The following TKTL1 variants were observed in gnomAD, a reference collection of about 807,000 sequenced individuals.
The protein encoded by TKTL1 is transketolase-like protein 1.
Under a neutral mutation model 39.3 loss-of-function variants are expected in TKTL1, and 1 was observed. The observed-to-expected ratio is 0.03, with a 90% CI of 0.01 to 0.12. The LOEUF (loss-of-function observed/expected upper bound fraction) is 0.12. TKTL1 is among the 10% of genes least tolerant of loss of function. TKTL1 has a pLI of 1.00. For missense variants in TKTL1, 575 were observed against 509.6 expected (o/e 1.13, Z -1.24); for synonymous variants, 262 against 193.8 (o/e 1.35, Z -2.92).
chrX:154,326,555 G>A (rs1557172024), intron 10 of TKTL1, among the ~76,000 whole-genome samples: 1 of 112,465 alleles, frequency 8.9e-6, no homozygotes, highest in Admixed American at 9.4e-5. Flanking sequence ...TGGCCAGAGT[G>A]CTGCCATAAA....
intron 1 of TKTL1, among the ~76,000 whole-genome samples, chrX:154,296,231 G>A (rs1436312120): frequency 9.0e-6 from 1 of 111,288 alleles, no homozygotes; most frequent in African/African-American, 3.3e-5. Flanking sequence ...TCTGGAGCCC[G>A]CCCCTCAATT....
At chrX:154,306,117 G>A (rs1173371356) in intron 2 of TKTL1, among the ~76,000 whole-genome samples, 1 of 107,693 alleles carries the variant, frequency 9.3e-6, no homozygotes, top group African/African-American at 3.5e-5. Context: ...GACCAGCCTG[G>A]TCAACATAGC....
At chrX:154,303,777 A>G (rs1255843344) in intron 1 of TKTL1, among the ~76,000 whole-genome samples, 1 of 109,055 alleles carries the variant, frequency 9.2e-6, no homozygotes, top group East Asian at 2.9e-4. Flanking sequence ...GGCACTGAAA[A>G]TAAGCAAATA....
At chrX:154,310,583 A>G (rs1239418359) in intron 3 of TKTL1, among the ~76,000 whole-genome samples, 2 of 112,625 alleles carry the variant, frequency 1.8e-5, no homozygotes, top group African/African-American at 6.5e-5. Context: ...AATGTGGCAG[A>G]AGAACCTAAA....
chrX:154,298,735 T>G (rs2067249975), intron 1 of TKTL1, among the ~76,000 whole-genome samples: 1 of 112,547 alleles, frequency 8.9e-6, no homozygotes, highest in Non-Finnish European at 1.9e-5. Context: ...TTTTCTATTT[T>G]CTTAGTCTCT....
In TKTL1 at chrX:154,309,335, T is replaced by C; in HGVS notation, c.253-10T>C. The stretch of plus-strand genomic sequence containing the variant: ...CTGCGTCTGGGCTCACTGGGTCCCT[T>C]CTCTTACAGAGACTGTCGTTTGTGG... On this transcript the variant is annotated splice_polypyrimidine_tract_variant and intron_variant, in intron 2 of 12. Coordinates refer to ENST00000369915, the MANE Select transcript of TKTL1 (RefSeq NM_012253.4). 4.1e-6 allele frequency: 5 copies of C among 1,207,210 alleles called. No individual in the cohort carries two copies. The highest frequency in any genetic ancestry group is 5.6e-6 in the Non-Finnish European group (5 of 891,230).
intron 10 of TKTL1, chrX:154,327,093 G>A (rs1377496089): frequency 2.8e-5 from 6 of 215,399 alleles, no homozygotes; most frequent in African/African-American, 1.2e-4. Flanking sequence ...GTACGTTGTC[G>A]AGAGCGAGGG....
intron 9 of TKTL1, 78 bp downstream of exon 9, chrX:154,323,415 T>TC (rs2067467974): frequency 9.3e-7 from 1 of 1,069,524 alleles, no homozygotes; most frequent in African/African-American, 1.9e-5. Context: ...ATTGGACTTT[T>TC]TTTTCTCAAC....
At chrX:154,307,164 G>A (rs1029800453) in intron 2 of TKTL1, among the ~76,000 whole-genome samples, 2 of 109,633 alleles carry the variant, frequency 1.8e-5, no homozygotes, top group African/African-American at 6.7e-5. Flanking sequence ...CTACTCAGGA[G>A]GCTAAGGTGG....
intron 10 of TKTL1, 62 bp downstream of exon 10, chrX:154,325,484 A>T (rs1557171755): frequency 1.0e-6 from 1 of 972,808 alleles, no homozygotes; most frequent in African/African-American, 1.9e-5. Context: ...ACACTTCTGA[A>T]TCTATCACCA....
At chrX:154,311,329 G>A (rs1488174453) in intron 5 of TKTL1, 91 bp downstream of exon 5, 1 of 1,125,550 alleles carries the variant, frequency 8.9e-7, no homozygotes, top group Non-Finnish European at 1.2e-6. Flanking sequence ...GGCCTAGGCA[G>A]ATGACTCATT....
chrX:154,327,850 C>T lies in TKTL1; in HGVS notation c.1510C>T (p.Arg504Cys), dbSNP rs782491397. The T allele has an allele frequency of 1.2e-5, 15 of 1,211,394 alleles. No homozygotes were observed. Among genetic ancestry groups the T allele is most frequent in the Non-Finnish European group, 1.7e-5 (15 of 895,334 alleles). Reference sequence around the variant, plus strand: ...TTGCTGTTCTGCAGATATTTTTATCCGTGTCATCGACCTGTTTACCATTAA... The same window carrying T: ...TTGCTGTTCTGCAGATATTTTTATCTGTGTCATCGACCTGTTTACCATTAA... The part of the protein sequence containing the change: ...DELSKQDIFI[R>C]VIDLFTIKPL... Residue 504 changes from arginine to cysteine, a missense_variant, in exon 12 of 13, where the codon CGT becomes TGT. Coordinates refer to ENST00000369915, the MANE Select transcript of TKTL1 (RefSeq NM_012253.4).
intron 6 of TKTL1, among the ~76,000 whole-genome samples, chrX:154,314,916 G>C (rs2067385930): frequency 9.0e-6 from 1 of 110,805 alleles, no homozygotes; most frequent in Admixed American, 9.7e-5. Flanking sequence ...GTGGGGGTTG[G>C]GGGAGCGGGG....
chrX:154,302,742 C>T (rs1266772491), intron 1 of TKTL1, among the ~76,000 whole-genome samples: 1 of 111,784 alleles, frequency 8.9e-6, no homozygotes, highest in East Asian at 2.8e-4. Context: ...GAGATAAGAT[C>T]ATCCTGGACT....
Position 154,323,014 on chromosome X carries a change from A to G in TKTL1, c.1187-193A>G, listed in dbSNP as rs148444881. 7.5e-3 allele frequency among the ~76,000 whole-genome samples: 841 copies of G among 112,118 alleles called. 9 individuals carry two copies. The highest frequency in any genetic ancestry group is 0.026 in the African/African-American group (816 of 30,848). On this transcript the variant is annotated intron_variant, in intron 8 of 12. Transcript: ENST00000369915. ...ACCCGAGGTGTCACAGTGTGATCTCAAGGGAGACAGGCGTGCAAGAACACA... is the reference window on the plus strand; with the variant it reads ...ACCCGAGGTGTCACAGTGTGATCTCGAGGGAGACAGGCGTGCAAGAACACA...
chrX:154,323,260 A>G lies in TKTL1; in HGVS notation c.1240A>G (p.Ile414Val), dbSNP rs2067466158. ...ALEDIAMFRTIPKCTIFYPTD... is the reference protein window; with the variant it reads ...ALEDIAMFRTVPKCTIFYPTD... ...GGAGGATATAGCCATGTTCCGAACCATTCCCAAGTGCACGATCTTCTACCC... is the reference window on the plus strand; with the variant it reads ...GGAGGATATAGCCATGTTCCGAACCGTTCCCAAGTGCACGATCTTCTACCC... Residue 414 changes from isoleucine (I) to valine (V), a missense_variant, in exon 9 of 13, where the codon ATT (isoleucine) becomes GTT (valine). Transcript: ENST00000369915. The G allele has an allele frequency of 8.3e-7, 1 of 1,211,533 alleles. No individual in the cohort carries two copies. Among genetic ancestry groups the G allele is most frequent in the Non-Finnish European group, 1.1e-6 (1 of 895,357 alleles).
In TKTL1 at chrX:154,305,412, C is replaced by T; in HGVS notation, c.243C>T (p.Val81=). Residue 81 remains valine, a synonymous_variant, in exon 2 of 13, where the codon GTC becomes GTT. Transcript: ENST00000369915. ...DPENPDNDRF[V]LAKRLSFVDV... ...AGAATCCGGACAACGACCGATTTGT[C>T]CTCGCAAAGGTATGCCGGTGGGGAG... 2 of 1,209,136 alleles carry T rather than the reference C, an allele frequency of 1.7e-6. No homozygotes were observed. The highest frequency in any genetic ancestry group is 2.2e-6 in the Non-Finnish European group (2 of 893,743).
intron 7 of TKTL1, among the ~76,000 whole-genome samples, chrX:154,318,292 A>T (rs1190845953): frequency 9.1e-6 from 1 of 110,429 alleles, no homozygotes; most frequent in Non-Finnish European, 1.9e-5. Flanking sequence ...GACATTTTTG[A>T]TACTTTAATA....
At chrX:154,298,395 C>T (rs2067247337) in intron 1 of TKTL1, among the ~76,000 whole-genome samples, 1 of 111,497 alleles carries the variant, frequency 9.0e-6, no homozygotes, top group East Asian at 2.8e-4. Context: ...CTATTAATAG[C>T]TAGTTTTGTT....
Sources: allele counts gnomAD v4.1 joint callset (sites outside exome capture counted in the v4.1 genomes callset), GRCh38; gene constraint gnomAD v4.1.1; transcripts MANE v1.5; gene names NCBI Gene and HGNC (gene_info 2026-07-23, HGNC 2026-07-21).